NCCRP1: variants seen among roughly 807,000 people sequenced by gnomAD.
NCCRP1 encodes NCCRP1, F-box associated domain containing, also known as F-box only protein 50.
NCCRP1 carries 32 observed loss-of-function variants against 34.4 expected under a neutral mutation model. The ratio of observed to expected loss-of-function variants is 0.93; its 90% CI spans 0.70 to 1.25. The LOEUF is 1.25. NCCRP1 is among the 50% of genes most tolerant of loss of function. The pLI is 0.00. For synonymous variants in NCCRP1, 172 were observed against 180.1 expected (o/e 0.95, Z 0.36); for missense variants, 372 against 391.8 (o/e 0.95, Z 0.43).
rs774070779 is a variant in NCCRP1, at chr19:39,198,254, G to C, written c.452+1G>C. 1.2e-6 allele frequency: 2 copies of C among 1,614,094 alleles called. No homozygotes were observed. The highest frequency in any genetic ancestry group is 1.7e-6 in the Non-Finnish European group (2 of 1,180,008). On this transcript the variant is annotated splice_donor_variant, in intron 3 of 5. Coordinates refer to ENST00000339852, the MANE Select transcript of NCCRP1 (RefSeq NM_001001414.2). LOFTEE classifies it high-confidence loss of function. ...CTGAAAAGCTCCAGCAGAACCAAAG[G>C]TGAGTCGCCAGGGCCAGTGTGGCTT...
rs748074786 is a variant in NCCRP1, at chr19:39,197,540, ATC to A, written c.337+227_337+228del. 2.2e-3 allele frequency among the ~76,000 whole-genome samples: 325 copies of A among 148,570 alleles called. 3 individuals carry two copies. Among genetic ancestry groups the A allele is most frequent in the Non-Finnish European group, 2.3e-3 (153 of 66,814 alleles). ...TCACACCTCTCCCTCACACCTCTCC[ATC>A]TCTCTTTCTCTCTCCTCCTCTCTCT... is the stretch of plus-strand genomic sequence containing the variant. On this transcript the variant is annotated intron_variant, in intron 1 of 5. Transcript: ENST00000339852.
In NCCRP1 at chr19:39,201,045, G is replaced by A; in HGVS notation, c.*289G>A. The A allele has an allele frequency of 2.7e-6, 1 of 367,048 alleles. No individual in the cohort carries two copies. The highest frequency in any genetic ancestry group is 4.9e-6 in the Non-Finnish European group (1 of 204,258). The allele number at this position is 367,048 out of a possible 1,614,324, so 22.7% of individuals were successfully genotyped here. On this transcript the variant is annotated 3_prime_UTR_variant, in exon 6 of 6. Coordinates refer to ENST00000339852, the MANE Select transcript of NCCRP1 (RefSeq NM_001001414.2). The stretch of plus-strand genomic sequence containing the variant: ...AGACACCTGTGCCCAAGGATGCTGA[G>A]GGCTGGTCTCTGCTTCTTTGAACTT...
intron 1 of NCCRP1, 76 bp from the exon 2 acceptor site, chr19:39,197,977 C>T (rs535877244): frequency 1.0e-4 from 158 of 1,522,702 alleles, no homozygotes; most frequent in Non-Finnish European, 1.3e-4. Context: ...CAGTGTATAG[C>T]CCTGCGGGTA....
At position 39,198,191 on chromosome 19, in the gene NCCRP1, C is replaced by A; in HGVS notation, c.401-11C>A. The A allele has an allele frequency of 6.2e-7, 1 of 1,614,126 alleles. No individual in the cohort carries two copies. The highest frequency in any genetic ancestry group is 2.2e-5 in the East Asian group (1 of 44,880). On this transcript the variant is annotated splice_polypyrimidine_tract_variant and intron_variant, in intron 2 of 5. Coordinates refer to ENST00000339852, the MANE Select transcript of NCCRP1 (RefSeq NM_001001414.2). Reference sequence around the variant, plus strand: ...TTGGGGTGTCCTAACCCTTTGCTCCCCAACCTGCAGGCAATTTCCGTGGCT... The same window carrying A: ...TTGGGGTGTCCTAACCCTTTGCTCCACAACCTGCAGGCAATTTCCGTGGCT...
chr19:39,197,482 C>T (rs2074767855), intron 1 of NCCRP1, among the ~76,000 whole-genome samples, 163 bp downstream of exon 1: 1 of 152,096 alleles, frequency 6.6e-6, no homozygotes, highest in Non-Finnish European at 1.5e-5. Context: ...ATTTTACCAC[C>T]TGTCTCTCTG....
chr19:39,199,098 T>G, intron 3 of NCCRP1, 72 bp from the exon 4 acceptor site: 1 of 1,446,976 alleles, frequency 6.9e-7, no homozygotes, highest in Non-Finnish European at 9.7e-7. Context: ...AAGAAAGCAC[T>G]AAGACAGGGC....
At position 39,200,229 on chromosome 19, in the gene NCCRP1, T is replaced by G; in HGVS notation, c.549-117T>G. Reference sequence around the variant, plus strand: ...TGCTATGTTGCCAGCACCACCCAGCTCAGGGCTGTGTACAGCATGGGTAGC... The same window carrying G: ...TGCTATGTTGCCAGCACCACCCAGCGCAGGGCTGTGTACAGCATGGGTAGC... On this transcript the variant is annotated intron_variant, in intron 4 of 5. Transcript: ENST00000339852. The surrounding 1 kb of genome is among the most constrained non-coding windows in gnomAD (Gnocchi z 5.8). The G allele has an allele frequency of 7.3e-7, 1 of 1,368,036 alleles. No individual in the cohort carries two copies. The highest frequency in any genetic ancestry group is 1.0e-6 in the Non-Finnish European group (1 of 987,556). The allele number at this position is 1,368,036 out of a possible 1,614,324, so 84.7% of individuals were successfully genotyped here. A position where few individuals can be genotyped will look rare whatever the true frequency, so the allele number is the denominator to read the frequency against.
rs772923336 is a variant in NCCRP1 at position 39,198,196 on chromosome 19, C to A, written c.401-6C>A. 5.0e-6 allele frequency: 8 copies of A among 1,614,178 alleles called. No homozygotes were observed. The highest frequency in any genetic ancestry group is 6.8e-6 in the Non-Finnish European group (8 of 1,180,034). On this transcript the variant is annotated splice_polypyrimidine_tract_variant and splice_region_variant and intron_variant, in intron 2 of 5. Coordinates refer to ENST00000339852, the MANE Select transcript of NCCRP1 (RefSeq NM_001001414.2). ...GTGTCCTAACCCTTTGCTCCCCAACCTGCAGGCAATTTCCGTGGCTGGTAC... is the reference window on the plus strand; with the variant it reads ...GTGTCCTAACCCTTTGCTCCCCAACATGCAGGCAATTTCCGTGGCTGGTAC...
intron 4 of NCCRP1, among the ~76,000 whole-genome samples, chr19:39,199,855 A>C (rs1483668456): frequency 2.0e-5 from 3 of 151,550 alleles, no homozygotes; most frequent in Non-Finnish European, 2.9e-5. Context: ...TATTCTCAAG[A>C]CCAATTCCTT....
intron 1 of NCCRP1, among the ~76,000 whole-genome samples, 155 bp from the exon 2 acceptor site, chr19:39,197,898 C>G (rs1424201924): frequency 6.6e-6 from 1 of 152,192 alleles, no homozygotes; most frequent in Non-Finnish European, 1.5e-5. Context: ...TTGCCCTCTC[C>G]CCAGCCCAGA....
Position 39,200,115 on chromosome 19 carries a change from C to G in NCCRP1, c.549-231C>G, listed in dbSNP as rs371044208. ...CCGTGCTCCCCATCCCAAACCTGGCCGTTCCTGGCTGTCATGTTTGGTGGC... is the reference window on the plus strand; with the variant it reads ...CCGTGCTCCCCATCCCAAACCTGGCGGTTCCTGGCTGTCATGTTTGGTGGC... On this transcript the variant is annotated intron_variant, in intron 4 of 5. Transcript: ENST00000339852. This position sits in a 1 kb window ranked among gnomAD's most constrained non-coding sequence, Gnocchi z 5.8. 9.2e-5 allele frequency among the ~76,000 whole-genome samples: 14 copies of G among 152,274 alleles called. No individual in the cohort carries two copies. Among genetic ancestry groups the G allele is most frequent in the East Asian group, 5.8e-4 (3 of 5,176 alleles).
chr19:39,197,640 A>C (rs886566747), intron 1 of NCCRP1, among the ~76,000 whole-genome samples: 22 of 152,052 alleles, frequency 1.4e-4, no homozygotes, highest in Admixed American at 1.3e-3. Flanking sequence ...GCAGTGGTGC[A>C]ATCTCAGCTC....
Position 39,200,182 on chromosome 19 carries a change from G to T in NCCRP1, c.549-164G>T, listed in dbSNP as rs2074781707. ...CTGGACTGTGAATCCCATGTGGCAG[G>T]GTGTGGGGCTGTCTTGGTCACTGCT... On this transcript the variant is annotated intron_variant, in intron 4 of 5. Transcript: ENST00000339852. The surrounding 1 kb of genome is among the most constrained non-coding windows in gnomAD (Gnocchi z 5.8). Among the ~76,000 whole-genome samples, 2 of 152,196 alleles carry T rather than the reference G, an allele frequency of 1.3e-5. No homozygotes were observed. Among genetic ancestry groups the T allele is most frequent in the Non-Finnish European group, 1.5e-5 (1 of 68,038 alleles).
intron 3 of NCCRP1, among the ~76,000 whole-genome samples, chr19:39,198,954 G>T (rs990238032): frequency 6.6e-6 from 1 of 152,078 alleles, no homozygotes; most frequent in African/African-American, 2.4e-5. Context: ...CCTTGGACAC[G>T]TCTCCATCCT....
Position 39,198,217 on chromosome 19 carries a change from G to A in NCCRP1, c.416G>A (p.Trp139Ter), listed in dbSNP as rs2074771620. 1.9e-6 allele frequency: 3 copies of A among 1,614,156 alleles called. No individual in the cohort carries two copies. Among genetic ancestry groups the A allele is most frequent in the Non-Finnish European group, 2.5e-6 (3 of 1,180,036 alleles). The change falls in exon 3 of 6, where the codon TGG becomes TAG. Residue 139 changes from tryptophan to a stop codon, truncating the protein, a stop_gained. Coordinates refer to ENST00000339852, the MANE Select transcript of NCCRP1 (RefSeq NM_001001414.2). LOFTEE classifies it high-confidence loss of function. ...PLETLGNFRG[W>*]YIRTEKLQQN... ...CAACCTGCAGGCAATTTCCGTGGCT[G>A]GTACATTAGAACTGAAAAGCTCCAG...
chr19:39,199,509 C>CTTTTTTTTTTTT (rs150534648), intron 4 of NCCRP1, among the ~76,000 whole-genome samples: 46 of 67,872 alleles, frequency 6.8e-4, no homozygotes, highest in African/African-American at 8.9e-4. Flanking sequence ...TTTTTTCTTT[C>CTTTTTTTTTTTT]TTTTTTTTTT....
rs1376082603 is a variant in NCCRP1 at position 39,198,184 on chromosome 19, T to G, written c.401-18T>G. On this transcript the variant is annotated intron_variant, in intron 2 of 5. Coordinates refer to ENST00000339852, the MANE Select transcript of NCCRP1 (RefSeq NM_001001414.2). ...TCCAGCGTTGGGGTGTCCTAACCCT[T>G]TGCTCCCCAACCTGCAGGCAATTTC... 9.3e-6 allele frequency: 15 copies of G among 1,614,098 alleles called. No homozygotes were observed. The highest frequency in any genetic ancestry group is 1.6e-4 in the Middle Eastern group (1 of 6,062).
At position 39,199,199 on chromosome 19, in the gene NCCRP1, T is replaced by C. The variant is rs1286748425; in HGVS notation, c.482T>C (p.Leu161Pro). The change falls in exon 4 of 6, where the codon CTT becomes CCT. Residue 161 changes from leucine to proline, a missense_variant. Transcript: ENST00000339852. ...SWTVKQQCVD[L>P]LAEGLWEELL... The stretch of plus-strand genomic sequence containing the variant: ...ACAGTGAAGCAGCAGTGTGTGGACC[T>C]TCTGGCCGAGGGCCTGTGGGAGGAG... 4 of 1,614,004 alleles carry C rather than the reference T, an allele frequency of 2.5e-6. No individual in the cohort carries two copies. The highest frequency in any genetic ancestry group is 1.3e-5 in the African/African-American group (1 of 74,916).
rs1255849106 is a variant in NCCRP1 at position 39,197,151 on chromosome 19, G to A, written c.169G>A (p.Glu57Lys). ...LPSPAAPEAP[E>K]LPEPAQPSEA... ...ATCGCCCGCAGCCCCGGAGGCCCCC[G>A]AGCTCCCCGAGCCGGCGCAGCCGTC... Residue 57 changes from glutamate (E) to lysine (K), a missense_variant, in exon 1 of 6, where the codon GAG becomes AAG. Coordinates refer to ENST00000339852, the MANE Select transcript of NCCRP1 (RefSeq NM_001001414.2). 2.7e-6 allele frequency: 4 copies of A among 1,469,946 alleles called. No individual in the cohort carries two copies. Among genetic ancestry groups the A allele is most frequent in the East Asian group, 2.8e-5 (1 of 36,104 alleles). The allele number at this position is 1,469,946 out of a possible 1,614,324, so 91.1% of individuals were successfully genotyped here.
Sources: gnomAD v4.1 joint callset for allele counts (sites outside exome capture counted in the v4.1 genomes callset) on GRCh38, gnomAD v4.1.1 for gene constraint, Gnocchi (gnomAD v3.1) non-coding constraint, MANE v1.5 for transcripts, NCBI Gene and HGNC (gene_info 2026-07-23, HGNC 2026-07-21) for gene names.